Variants in STRN observed in about 807,000 individuals in gnomAD.
STRN encodes the protein striatin.
A neutral mutation model predicts 96.3 loss-of-function variants in STRN; 53 were observed. The ratio of observed to expected loss-of-function variants is 0.55; its 90% CI spans 0.44 to 0.69. The LOEUF (loss-of-function observed/expected upper bound fraction) is 0.69, where lower values mean the gene tolerates loss of function less well. STRN is among the 30% of genes least tolerant of loss of function. The pLI is 0.00. For missense variants in STRN, 987 were observed against 963.9 expected, an observed-to-expected ratio of 1.02 and a Z score of -0.32; for synonymous variants, 428 against 355.9, an observed-to-expected ratio of 1.20 and a Z score of -2.28.
intron 3 of STRN, among the ~76,000 whole-genome samples, chr2:36,910,497 T>C (rs73924929): frequency 0.055 from 8,431 of 152,236 alleles, 756 homozygotes; most frequent in African/African-American, 0.19. Context: ...TATAAGGTTA[T>C]TGTACTATCC....
At chr2:36,899,892 ACCTATCTACCTG>A (rs999330759) in intron 5 of STRN, among the ~76,000 whole-genome samples, 2 of 152,018 alleles carry the variant, frequency 1.3e-5, no homozygotes, top group African/African-American at 4.8e-5. Flanking sequence ...CTACCTACCT[ACCTATCTACCTG>A]GAGACAAAGT....
At chr2:36,859,039 C>T (rs1045265149) in intron 13 of STRN, among the ~76,000 whole-genome samples, 2 of 152,110 alleles carry the variant, frequency 1.3e-5, no homozygotes, top group Non-Finnish European at 2.9e-5. Context: ...GCATGATATG[C>T]AAGTAAATGT....
chr2:36,928,099 G>C (rs575358590), intron 1 of STRN, among the ~76,000 whole-genome samples: 1 of 151,858 alleles, frequency 6.6e-6, no homozygotes, highest in East Asian at 1.9e-4. Context: ...AGGAAACTTA[G>C]ATATTAGAAA....
chr2:36,921,693 A>T (rs571350022), intron 2 of STRN, among the ~76,000 whole-genome samples: 3 of 120,534 alleles, frequency 2.5e-5, no homozygotes, highest in South Asian at 2.9e-4. Context: ...TCTACTTAAA[A>T]TTTTTTTTTT....
At chr2:36,897,261 G>C (rs1292550087) in intron 6 of STRN, among the ~76,000 whole-genome samples, 1 of 151,946 alleles carries the variant, frequency 6.6e-6, no homozygotes, top group Non-Finnish European at 1.5e-5. Flanking sequence ...CCTATAGAAT[G>C]CAGTAAGTTA....
chr2:36,916,063 T>A lies in STRN; in HGVS notation c.412+15A>T. 1.2e-6 allele frequency: 2 copies of A among 1,606,448 alleles called. No individual in the cohort carries two copies. The highest frequency in any genetic ancestry group is 1.7e-6 in the Non-Finnish European group (2 of 1,174,584). On this transcript the variant is annotated intron_variant, in intron 3 of 17. Transcript: ENST00000263918. ...CTTCTTTTTAACACTTAAACTTCCA[T>A]TAAAATTAGCTTACCAGAATCATAG...
intron 2 of STRN, among the ~76,000 whole-genome samples, chr2:36,924,355 CAAAAA>C (rs143310395): frequency 1.9e-5 from 2 of 103,324 alleles, no homozygotes; most frequent in African/African-American, 3.5e-5. Flanking sequence ...GACTCCGTTT[CAAAAA>C]AAAAAAAAAA....
chr2:36,873,833 C>T (rs1370465656), intron 10 of STRN, among the ~76,000 whole-genome samples: 1 of 151,758 alleles, frequency 6.6e-6, no homozygotes, highest in Non-Finnish European at 1.5e-5. Context: ...ATCTCAGCTA[C>T]CCGAGAGGCT....
At chr2:36,939,110 C>T (rs1378056070) in intron 1 of STRN, among the ~76,000 whole-genome samples, 1 of 152,066 alleles carries the variant, frequency 6.6e-6, no homozygotes, top group Non-Finnish European at 1.5e-5. Context: ...CTCAGCCTCC[C>T]GAGTAGCTGG....
At chr2:36,903,889 AAAT>A (rs1338843898) in intron 4 of STRN, among the ~76,000 whole-genome samples, 2 of 152,234 alleles carry the variant, frequency 1.3e-5, no homozygotes, top group Non-Finnish European at 2.9e-5. Flanking sequence ...CATTTTTAAC[AAAT>A]AATATTTGAG....
Position 36,905,636 on chromosome 2 carries a change from A to AT in STRN, c.413-19dup. The AT allele has an allele frequency of 6.2e-7, 1 of 1,609,214 alleles. No individual in the cohort carries two copies. On this transcript the variant is annotated intron_variant, in intron 3 of 17. Transcript: ENST00000263918. ...ACCTTCATCTAGAAAACATTAAGTCATAATAAAACTGACTTGTTTTACGTA... is the reference window on the plus strand; with the variant it reads ...ACCTTCATCTAGAAAACATTAAGTCATTAATAAAACTGACTTGTTTTACGTA...
In STRN at chr2:36,843,528, CCAAT is replaced by C. The variant is rs1368934937; in HGVS notation, c.*5924_*5927del. 6.6e-6 allele frequency: 1 copy of C among 151,922 alleles called. No homozygotes were observed. Among genetic ancestry groups the C allele is most frequent in the East Asian group, 1.9e-4 (1 of 5,184 alleles). The allele number at this position is 151,922 out of a possible 1,614,324, so 9.4% of individuals were successfully genotyped here. A position where few individuals can be genotyped will look rare whatever the true frequency, so the allele number is the denominator to read the frequency against. On this transcript the variant is annotated 3_prime_UTR_variant, in exon 18 of 18. Coordinates refer to ENST00000263918, the MANE Select transcript of STRN (RefSeq NM_003162.4). ...ATGTGTCTCTGAAAGTACCACTGAC[CCAAT>C]CCTAGAAGCTATTTTAATTTGGCTT...
chr2:36,945,323 T>C (rs1364735274), intron 1 of STRN, among the ~76,000 whole-genome samples: 1 of 152,214 alleles, frequency 6.6e-6, no homozygotes, highest in East Asian at 1.9e-4. Context: ...CTTAATTCTC[T>C]GTACCTGAGT....
At chr2:36,873,640 A>C (rs905870830) in intron 10 of STRN, among the ~76,000 whole-genome samples, 18 of 152,122 alleles carry the variant, frequency 1.2e-4, no homozygotes, top group Admixed American at 1.3e-4. Flanking sequence ...AGAAATCTGT[A>C]AACAATCTAA....
In STRN at chr2:36,938,370, G is replaced by T. The variant is rs181980328; in HGVS notation, c.235-13162C>A. Among the ~76,000 whole-genome samples the T allele has an allele frequency of 6.0e-3, 909 of 151,994 alleles. 9 individuals carry two copies. Among genetic ancestry groups the T allele is most frequent in the African/African-American group, 0.02 (814 of 41,456 alleles). ...GAATCTGGGAGGCAGAGGTTGCAGG[G>T]AGCCAAGATCATGTCACTGTACTCC... On this transcript the variant is annotated intron_variant, in intron 1 of 17. Transcript: ENST00000263918.
intron 10 of STRN, among the ~76,000 whole-genome samples, chr2:36,870,549 G>T (rs917789508): frequency 6.6e-6 from 1 of 152,100 alleles, no homozygotes; most frequent in African/African-American, 2.4e-5. Flanking sequence ...AATTCCTATA[G>T]TAACATCATA....
intron 8 of STRN, among the ~76,000 whole-genome samples, 187 bp from the exon 9 acceptor site, chr2:36,884,262 A>C (rs1669153279): frequency 6.6e-6 from 1 of 152,218 alleles, no homozygotes; most frequent in Non-Finnish European, 1.5e-5. Flanking sequence ...CTTGAAAAGA[A>C]TTATACTTTT....
intron 10 of STRN, among the ~76,000 whole-genome samples, chr2:36,873,879 G>A (rs1469131573): frequency 2.0e-5 from 3 of 151,222 alleles, no homozygotes; most frequent in Admixed American, 2.0e-4. Flanking sequence ...GGAGGCAGAG[G>A]TTGCAGTGAG....
At chr2:36,901,361 G>A (rs1344503810) in intron 5 of STRN, among the ~76,000 whole-genome samples, 1 of 152,070 alleles carries the variant, frequency 6.6e-6, no homozygotes, top group Non-Finnish European at 1.5e-5. Flanking sequence ...GACCATCCTG[G>A]CCAACATGGT....
Sources: allele counts gnomAD v4.1 joint callset (sites outside exome capture counted in the v4.1 genomes callset), GRCh38; gene constraint gnomAD v4.1.1; transcripts MANE v1.5; gene names NCBI Gene and HGNC (gene_info 2026-07-23, HGNC 2026-07-21).